The following SYNPR variants were observed in gnomAD, a reference collection of about 807,000 sequenced individuals.
The protein encoded by SYNPR is synaptoporin.
SYNPR carries 23 observed loss-of-function variants against 32.9 expected under a neutral mutation model. The observed-to-expected ratio is 0.70, with a 90% CI of 0.50 to 0.99. SYNPR has a LOEUF of 0.99. Ranked by LOEUF, SYNPR falls within the 50% of genes least tolerant of loss-of-function variation. The probability of loss-of-function intolerance (pLI) is 0.00; values close to 1 mark genes in which losing one functional copy is unlikely to be tolerated. For missense variants in SYNPR, 318 were observed against 349.3 expected (o/e 0.91, Z 0.71); for synonymous variants, 146 against 135.9 (o/e 1.07, Z -0.52).
chr3:63,370,971 G>A (rs2087804381), intron 2 of SYNPR, among the ~76,000 whole-genome samples: 1 of 152,142 alleles, frequency 6.6e-6, no homozygotes, highest in South Asian at 2.1e-4. Context: ...AGCGTGCACT[G>A]CTCTCACGGA....
At chr3:63,558,728 T>G (rs1371448162) in intron 4 of SYNPR, among the ~76,000 whole-genome samples, 1 of 152,078 alleles carries the variant, frequency 6.6e-6, no homozygotes, top group African/African-American at 2.4e-5. Context: ...TAGTGATCAC[T>G]CAACCCAAAA....
intron 2 of SYNPR, among the ~76,000 whole-genome samples, chr3:63,312,279 T>A (rs35843723): frequency 0.44 from 66,642 of 151,822 alleles, 14,846 homozygotes; most frequent in Middle Eastern, 0.52. Context: ...TTAATAAGAG[T>A]GACCATACTT....
the SYNPR span, among the ~76,000 whole-genome samples, chr3:63,203,066 G>GTGTA: frequency 8.0e-5 from 1 of 12,460 alleles, no homozygotes; most frequent in African/African-American, 2.3e-4. Context: ...ATATATGTAT[G>GTGTA]TGTATATATA....
At chr3:63,601,777 G>C (rs1316967655) in intron 4 of SYNPR, among the ~76,000 whole-genome samples, 1 of 152,096 alleles carries the variant, frequency 6.6e-6, no homozygotes, top group Non-Finnish European at 1.5e-5. Context: ...ATTGTGAATA[G>C]TGTGGCAGTA....
intron 2 of SYNPR, among the ~76,000 whole-genome samples, chr3:63,255,209 C>T (rs1032092132): frequency 6.6e-6 from 1 of 152,152 alleles, no homozygotes; most frequent in Non-Finnish European, 1.5e-5. Flanking sequence ...AGAACCATCA[C>T]CTAGACATAT....
intron 2 of SYNPR, among the ~76,000 whole-genome samples, chr3:63,472,797 A>G (rs1196989878): frequency 2.0e-5 from 3 of 151,836 alleles, no homozygotes; most frequent in African/African-American, 7.3e-5. Context: ...CTTGCTGAAA[A>G]CCTATTCTGC....
chr3:63,323,879 G>A (rs78247894), intron 2 of SYNPR, among the ~76,000 whole-genome samples: 1,590 of 152,068 alleles, frequency 0.01, 28 homozygotes, highest in African/African-American at 0.036. Context: ...TTCCCATGAG[G>A]CAGTTATTAT....
intron 3 of SYNPR, among the ~76,000 whole-genome samples, chr3:63,499,046 A>G (rs1701429809): frequency 6.6e-6 from 1 of 151,656 alleles, no homozygotes. Context: ...CTGCTATGTG[A>G]AAAAAAATTT....
chr3:63,306,829 A>G (rs957911671), intron 2 of SYNPR, among the ~76,000 whole-genome samples: 8 of 152,102 alleles, frequency 5.3e-5, no homozygotes, highest in African/African-American at 1.9e-4. Context: ...AGGCACATCC[A>G]TTGGTCTAGG....
chr3:63,374,107 C>T (rs2087853251), intron 2 of SYNPR, among the ~76,000 whole-genome samples: 1 of 152,190 alleles, frequency 6.6e-6, no homozygotes, highest in Non-Finnish European at 1.5e-5. Context: ...AAGGCCAATA[C>T]CAGCCACTAC....
Position 63,420,189 on chromosome 3 carries a change from C to T in SYNPR, c.85-60643C>T, listed in dbSNP as rs117416947. Among the ~76,000 whole-genome samples, 205 of 152,096 alleles carry T rather than the reference C, an allele frequency of 1.3e-3. 3 individuals carry two copies. The East Asian group carries it at 0.032, about 24-fold the overall frequency. ...CAATGACATTTTAATTAAAAATGTA[C>T]CAAATATTTCAGGTATCCTGGTAAA... is the stretch of plus-strand genomic sequence containing the variant. On this transcript the variant is annotated intron_variant, in intron 2 of 5. Transcript: ENST00000478300.
intron 2 of SYNPR, among the ~76,000 whole-genome samples, chr3:63,359,566 C>T (rs2087629862): frequency 6.6e-6 from 1 of 152,196 alleles, no homozygotes; most frequent in African/African-American, 2.4e-5. Flanking sequence ...AAGTCTGTGC[C>T]TCTCTCTCCT....
At chr3:63,357,116 C>T (rs767489825) in intron 2 of SYNPR, among the ~76,000 whole-genome samples, 2 of 152,328 alleles carry the variant, frequency 1.3e-5, no homozygotes, top group East Asian at 1.9e-4. Context: ...CCTAGCTTCT[C>T]ACATACCTGG....
rs147565868 is a variant in SYNPR, at chr3:63,338,846, A to C, written c.84+60104A>C. ...AATCCAGCAATCCCAACACATGCCT[A>C]CTCATTTTCTGGTTTACCTTGTCTC... On this transcript the variant is annotated intron_variant, in intron 2 of 5. Transcript: ENST00000478300. Among the ~76,000 whole-genome samples, 213 of 152,204 alleles carry C rather than the reference A, an allele frequency of 1.4e-3. 1 individual carries two copies. The highest frequency in any genetic ancestry group is 5.0e-3 in the African/African-American group (208 of 41,542).
intron 2 of SYNPR, among the ~76,000 whole-genome samples, chr3:63,297,161 G>A (rs1475225007): frequency 6.6e-6 from 1 of 152,190 alleles, no homozygotes; most frequent in African/African-American, 2.4e-5. Context: ...TTATGCGCTA[G>A]AAAATGTTCA....
chr3:63,514,645 G>C (rs533649085), intron 3 of SYNPR, among the ~76,000 whole-genome samples: 1 of 152,254 alleles, frequency 6.6e-6, no homozygotes, highest in South Asian at 2.1e-4. Flanking sequence ...ATATATTGTA[G>C]AATGAGGCCA....
intron 2 of SYNPR, among the ~76,000 whole-genome samples, chr3:63,258,056 C>A (rs1462331594): frequency 6.6e-6 from 1 of 152,150 alleles, no homozygotes; most frequent in Admixed American, 6.5e-5. Context: ...TACAGGAGCA[C>A]CCAGATCCAT....
intron 2 of SYNPR, among the ~76,000 whole-genome samples, chr3:63,306,016 C>T (rs1223730326): frequency 6.6e-6 from 1 of 152,016 alleles, no homozygotes; most frequent in Admixed American, 6.6e-5. Flanking sequence ...ACCCATCCTT[C>T]AAGGCCCAGT....
chr3:63,273,335 C>G (rs2106910875), upstream of SYNPR, among the ~76,000 whole-genome samples: 1 of 152,220 alleles, frequency 6.6e-6, no homozygotes, highest in South Asian at 2.1e-4. Context: ...TTTTTAGTCT[C>G]TTTGAACTGT....
Sources: allele counts gnomAD v4.1 joint callset (sites outside exome capture counted in the v4.1 genomes callset), GRCh38; gene constraint gnomAD v4.1.1; transcripts MANE v1.5; gene names NCBI Gene and HGNC (gene_info 2026-07-23, HGNC 2026-07-21).